ZBTB20: variants seen among roughly 807,000 people sequenced by gnomAD.
ZBTB20 encodes zinc finger and BTB domain-containing protein 20.
ZBTB20 carries 9 observed loss-of-function variants against 56.9 expected under a neutral mutation model. The ratio of observed to expected loss-of-function variants is 0.16; its 90% CI spans 0.10 to 0.28. The LOEUF is 0.28. ZBTB20 is among the 10% of genes least tolerant of loss of function. The pLI, the probability that ZBTB20 is intolerant of heterozygous loss-of-function variation, is 1.00. For missense variants in ZBTB20, 655 were observed against 1,003.0 expected (o/e 0.65, Z 4.69); for synonymous variants, 417 against 420.7 (o/e 0.99, Z 0.11).
At chr3:115,125,820 T>C (rs556011589) in intron 1 of ZBTB20, among the ~76,000 whole-genome samples, 1 of 152,220 alleles carries the variant, frequency 6.6e-6, no homozygotes, top group Non-Finnish European at 1.5e-5. Flanking sequence ...TTAATGCACA[T>C]AATTGTTGTC....
chr3:114,472,492 C>T (rs2040246001), intron 7 of ZBTB20, among the ~76,000 whole-genome samples: 1 of 152,164 alleles, frequency 6.6e-6, no homozygotes, highest in Non-Finnish European at 1.5e-5. Context: ...GGCACATCAC[C>T]TGAGGTCAGG....
At chr3:114,635,686 A>G (rs2059223431) in intron 6 of ZBTB20, among the ~76,000 whole-genome samples, 1 of 151,130 alleles carries the variant, frequency 6.6e-6, no homozygotes. Context: ...GTTCAAAAGC[A>G]GACCTAATCA....
At chr3:115,031,780 A>G (rs2080692884) in intron 2 of ZBTB20, among the ~76,000 whole-genome samples, 1 of 151,526 alleles carries the variant, frequency 6.6e-6, no homozygotes. Flanking sequence ...TTTAGTGTCA[A>G]TTGATATTAA....
At chr3:114,853,809 T>C (rs1022308329) in intron 4 of ZBTB20, among the ~76,000 whole-genome samples, 1 of 152,222 alleles carries the variant, frequency 6.6e-6, no homozygotes, top group African/African-American at 2.4e-5. Context: ...CCAATTAGTA[T>C]CTGTAAAATG....
chr3:114,748,786 A>T (rs2067318782), intron 5 of ZBTB20, among the ~76,000 whole-genome samples: 1 of 152,188 alleles, frequency 6.6e-6, no homozygotes, highest in Admixed American at 6.5e-5. Flanking sequence ...TTTGGGGTAT[A>T]CATGTTTCAA....
At chr3:114,852,007 C>A (rs2107421687) in intron 4 of ZBTB20, among the ~76,000 whole-genome samples, 1 of 152,130 alleles carries the variant, frequency 6.6e-6, no homozygotes, top group African/African-American at 2.4e-5. Flanking sequence ...TTTTTCATAT[C>A]ATGTAAAAAC....
chr3:114,399,943 A>G (rs987630948), intron 7 of ZBTB20, among the ~76,000 whole-genome samples: 2 of 152,138 alleles, frequency 1.3e-5, no homozygotes, highest in African/African-American at 4.8e-5. Flanking sequence ...TCTCCCTATC[A>G]TGAGTTGCAT....
intron 2 of ZBTB20, chr3:115,027,674 T>C (rs1340570885): frequency 6.6e-6 from 1 of 150,948 alleles, no homozygotes; most frequent in Non-Finnish European, 1.5e-5. Flanking sequence ...TGCATAAATA[T>C]ACAAAATAAA....
chr3:115,123,131 A>C (rs1436992908), intron 1 of ZBTB20, among the ~76,000 whole-genome samples: 1 of 152,128 alleles, frequency 6.6e-6, no homozygotes. Flanking sequence ...AGATTCTTCT[A>C]TTTTCTCAAA....
chr3:114,513,712 C>T (rs1327219322), intron 6 of ZBTB20, among the ~76,000 whole-genome samples: 2 of 152,068 alleles, frequency 1.3e-5, no homozygotes, highest in Non-Finnish European at 2.9e-5. Context: ...AAAACCAAAC[C>T]TAAAAGCAGT....
chr3:114,345,956 T>C (rs1361268078), intron 11 of ZBTB20, among the ~76,000 whole-genome samples: 1 of 152,204 alleles, frequency 6.6e-6, no homozygotes. Flanking sequence ...GTATTATCTT[T>C]GTTTTTTTCT....
intron 5 of ZBTB20, among the ~76,000 whole-genome samples, chr3:114,723,372 G>A (rs2065046916): frequency 6.6e-6 from 1 of 152,098 alleles, no homozygotes; most frequent in Non-Finnish European, 1.5e-5. Context: ...TGAATATTTG[G>A]ATGGCCCAAG....
chr3:114,817,577 A>G (rs1218398510), intron 4 of ZBTB20, among the ~76,000 whole-genome samples: 2 of 151,622 alleles, frequency 1.3e-5, no homozygotes, highest in African/African-American at 2.4e-5. Flanking sequence ...CTCTCTATAT[A>G]TACACACATG....
chr3:114,620,436 G>A (rs2058244643), intron 6 of ZBTB20, among the ~76,000 whole-genome samples: 1 of 152,034 alleles, frequency 6.6e-6, no homozygotes, highest in Non-Finnish European at 1.5e-5. Flanking sequence ...AGGATTACAC[G>A]CATGCGCCAC....
Position 114,919,182 on chromosome 3 carries a change from C to T in ZBTB20, c.-455-18840G>A, listed in dbSNP as rs2075859644. ...TATAAAAAGGTATAAAATGTTATAT[C>T]AATAAAGTGGGGGCCTGGGGGAAAA... On this transcript the variant is annotated intron_variant, in intron 3 of 11. Transcript: ENST00000675478. Among the ~76,000 whole-genome samples, 3 of 152,026 alleles carry T rather than the reference C, an allele frequency of 2.0e-5. No individual in the cohort carries two copies. The South Asian group carries it at 6.2e-4, about 32-fold the overall frequency.
At chr3:114,507,398 T>G (rs755863211) in intron 6 of ZBTB20, among the ~76,000 whole-genome samples, 1 of 152,078 alleles carries the variant, frequency 6.6e-6, no homozygotes, top group Non-Finnish European at 1.5e-5. Context: ...AAGCAAATGT[T>G]TGAAAAACTG....
intron 4 of ZBTB20, among the ~76,000 whole-genome samples, chr3:114,826,725 A>G (rs1210683295): frequency 6.6e-6 from 1 of 151,762 alleles, no homozygotes; most frequent in Non-Finnish European, 1.5e-5. Flanking sequence ...CTTAATAGTA[A>G]TCACAAGAGT....
intron 3 of ZBTB20, among the ~76,000 whole-genome samples, chr3:114,966,325 A>C (rs1365488583): frequency 6.6e-6 from 1 of 152,156 alleles, no homozygotes; most frequent in Non-Finnish European, 1.5e-5. Flanking sequence ...AAAAATAAAG[A>C]AGCACACGAG....
At position 114,333,816 on chromosome 3, in the gene ZBTB20, C is replaced by T. The variant is rs1401020514; in HGVS notation, c.*5189G>A. On this transcript the variant is annotated 3_prime_UTR_variant, in exon 12 of 12. Coordinates refer to ENST00000675478, the MANE Select transcript of ZBTB20 (RefSeq NM_001348800.3). ...TGGAAAAGCCCAGAGATTTCTCTAA[C>T]CACTTCTTGCCAAACTTCCTAGTTT... The T allele has an allele frequency of 6.6e-6, 1 of 152,204 alleles. No homozygotes were observed. Among genetic ancestry groups the T allele is most frequent in the East Asian group, 1.9e-4 (1 of 5,204 alleles). 9.4% of individuals were successfully genotyped at this position (152,204 alleles called of 1,614,324 possible). A position where few individuals can be genotyped will look rare whatever the true frequency, so the allele number is the denominator to read the frequency against.
Sources: allele counts gnomAD v4.1 joint callset (sites outside exome capture counted in the v4.1 genomes callset), GRCh38; gene constraint gnomAD v4.1.1; transcripts MANE v1.5; gene names NCBI Gene and HGNC (gene_info 2026-07-23, HGNC 2026-07-21).